The following VPS13A variants were observed in gnomAD, a reference collection of about 807,000 sequenced individuals.
The protein encoded by VPS13A is intermembrane lipid transfer protein VPS13A.
Under a neutral mutation model 390.9 loss-of-function variants are expected in VPS13A, and 264 were observed. The ratio of observed to expected loss-of-function variants is 0.68; its 90% CI spans 0.61 to 0.75. The LOEUF (loss-of-function observed/expected upper bound fraction) is 0.75. Ranked by LOEUF, VPS13A falls within the 30% of genes least tolerant of loss-of-function variation. The pLI is 0.00. For synonymous variants in VPS13A, 1,231 were observed against 1,227.1 expected (o/e 1.00, Z -0.07); for missense variants, 3,409 against 3,733.9 (o/e 0.91, Z 2.27).
chr9:77,403,105 A>C, intron 68 of VPS13A, 131 bp from the exon 69 acceptor site: 1 of 657,558 alleles, frequency 1.5e-6, no homozygotes. Flanking sequence ...TTTTACAAAT[A>C]ATTAAATGTT....
Position 77,308,378 on chromosome 9 carries a change from A to G in VPS13A, c.4114+280A>G, listed in dbSNP as rs531457510. Reference sequence around the variant, plus strand: ...GAAAGTTCCTAGTTCTGTTGTAACAAAATTCCTCAGTATATATTCATGTTT... The same window carrying G: ...GAAAGTTCCTAGTTCTGTTGTAACAGAATTCCTCAGTATATATTCATGTTT... On this transcript the variant is annotated intron_variant, in intron 35 of 71. Coordinates refer to ENST00000360280, the MANE Select transcript of VPS13A (RefSeq NM_033305.3). Among the ~76,000 whole-genome samples, 70 of 152,250 alleles carry G rather than the reference A, an allele frequency of 4.6e-4. 1 individual carries two copies. Among genetic ancestry groups the G allele is most frequent in the Admixed American group, 3.3e-3 (51 of 15,286 alleles).
chr9:77,364,821 G>A (rs1423101202), intron 59 of VPS13A, among the ~76,000 whole-genome samples: 4 of 152,142 alleles, frequency 2.6e-5, no homozygotes, highest in African/African-American at 9.7e-5. Context: ...CAGTTTAGCT[G>A]GGGTGCTGGT....
At position 77,323,479 on chromosome 9, in the gene VPS13A, A is replaced by G. The variant is rs186345477; in HGVS notation, c.5991+252A>G. On this transcript the variant is annotated intron_variant, in intron 45 of 71. Transcript: ENST00000360280. Reference sequence around the variant, plus strand: ...AAATCTTCTTACGGTATTTTTTATAAATAGTCATCAGTGTTTTGCTTTAGG... The same window carrying G: ...AAATCTTCTTACGGTATTTTTTATAGATAGTCATCAGTGTTTTGCTTTAGG... Among the ~76,000 whole-genome samples the G allele has an allele frequency of 7.2e-5, 11 of 152,190 alleles. No individual in the cohort carries two copies. The South Asian group carries it at 8.3e-4, about 11-fold the overall frequency.
At chr9:77,412,865 C>A (rs1347687608) in intron 71 of VPS13A, among the ~76,000 whole-genome samples, 15 of 152,160 alleles carry the variant, frequency 9.9e-5, no homozygotes, top group East Asian at 5.8e-4. Context: ...GTCTCAGCCC[C>A]AAATCTCCTT....
chr9:77,246,374 T>G (rs1309629416), intron 19 of VPS13A, among the ~76,000 whole-genome samples: 2 of 152,184 alleles, frequency 1.3e-5, no homozygotes, highest in Non-Finnish European at 2.9e-5. Context: ...ACATTAAAAT[T>G]GTTGACATAT....
chr9:77,353,638 C>T lies in VPS13A; in HGVS notation c.7649C>T (p.Thr2550Ile). The change falls in exon 54 of 72, where the codon ACA becomes ATA. Residue 2550 changes from threonine to isoleucine, a missense_variant. Physicochemically the swap from Thr to Ile is moderately conservative, Grantham distance 89. Around this residue, in one of 5 missense-constraint regions of VPS13A, gnomAD observed 221 missense variants for 300.7 expected, o/e 0.73. Transcript: ENST00000360280. ...CAAGAAGTAGCCTATATAGGCATTA[C>T]AAGGTTAGATGCATTAAATTTTGGA... The part of the protein sequence containing the change: ...TKQEVAYIGI[T>I]SSDVVWETKP... 1 of 1,611,864 alleles carries T rather than the reference C, an allele frequency of 6.2e-7. No homozygotes were observed. Among genetic ancestry groups the T allele is most frequent in the Non-Finnish European group, 8.5e-7 (1 of 1,178,356 alleles).
At chr9:77,309,545 G>A (rs1564716014) in intron 35 of VPS13A, among the ~76,000 whole-genome samples, 2 of 152,114 alleles carry the variant, frequency 1.3e-5, no homozygotes, top group African/African-American at 4.8e-5. Flanking sequence ...GTATCATAAA[G>A]ATGAATTTAT....
chr9:77,202,029 G>A (rs894396555), intron 3 of VPS13A, among the ~76,000 whole-genome samples: 1 of 152,138 alleles, frequency 6.6e-6, no homozygotes, highest in African/African-American at 2.4e-5. Flanking sequence ...AGTGTCTTTA[G>A]TTGGGACTTG....
intron 55 of VPS13A, 149 bp downstream of exon 55, chr9:77,357,016 G>A: frequency 2.1e-6 from 2 of 935,322 alleles, no homozygotes; most frequent in Admixed American, 2.3e-5. Context: ...TTAAAGAGGT[G>A]TTTATCTATA....
chr9:77,400,160 T>A (rs1398776103), intron 68 of VPS13A, among the ~76,000 whole-genome samples: 1 of 151,830 alleles, frequency 6.6e-6, no homozygotes, highest in Non-Finnish European at 1.5e-5. Flanking sequence ...AGGGTATGTT[T>A]AATTGATTTG....
At chr9:77,245,925 G>T (rs539700131) in intron 19 of VPS13A, among the ~76,000 whole-genome samples, 1 of 152,306 alleles carries the variant, frequency 6.6e-6, no homozygotes, top group African/African-American at 2.4e-5. Flanking sequence ...GGCAGAAAGA[G>T]TTGGGGAGCC....
chr9:77,362,289 T>G (rs1832188969), intron 59 of VPS13A, among the ~76,000 whole-genome samples: 1 of 152,194 alleles, frequency 6.6e-6, no homozygotes, highest in Non-Finnish European at 1.5e-5. Flanking sequence ...CTCTTATGAT[T>G]AGGTCTTTGA....
At position 77,302,766 on chromosome 9, in the gene VPS13A, A is replaced by T. The variant is rs1828456658; in HGVS notation, c.3813-149A>T. On this transcript the variant is annotated intron_variant, in intron 33 of 71. Transcript: ENST00000360280. Reference sequence around the variant, plus strand: ...TCACTCAACTCATTTTGACAGATAAAAAAAAAGTCTGATAGATATTTTCCC... The same window carrying T: ...TCACTCAACTCATTTTGACAGATAATAAAAAAGTCTGATAGATATTTTCCC... The T allele has an allele frequency of 6.0e-6, 5 of 834,012 alleles. 1 individual carries two copies. In the South Asian group the frequency reaches 9.0e-5, roughly 15 times the overall value. The allele number at this position is 834,012 out of a possible 1,614,324, so 51.7% of individuals were successfully genotyped here. A position where few individuals can be genotyped will look rare whatever the true frequency, so the allele number is the denominator to read the frequency against.
At chr9:77,350,062 A>G (rs1328826236) in intron 52 of VPS13A, among the ~76,000 whole-genome samples, 2 of 152,132 alleles carry the variant, frequency 1.3e-5, no homozygotes, top group South Asian at 2.1e-4. Flanking sequence ...TGGAAAATAC[A>G]TATTCTGTTT....
At chr9:77,290,247 T>C (rs1051598717) in intron 31 of VPS13A, among the ~76,000 whole-genome samples, 1 of 152,198 alleles carries the variant, frequency 6.6e-6, no homozygotes, top group Non-Finnish European at 1.5e-5. Flanking sequence ...AAGATGTGAT[T>C]TCATTGTTCT....
intron 1 of VPS13A, among the ~76,000 whole-genome samples, chr9:77,197,783 C>A (rs879504715): frequency 4.6e-5 from 7 of 152,282 alleles, no homozygotes; most frequent in African/African-American, 7.2e-5. Context: ...TAATTTTCTG[C>A]ATGAAACAAA....
chr9:77,314,772 C>A, intron 37 of VPS13A, 108 bp downstream of exon 37: 1 of 1,073,032 alleles, frequency 9.3e-7, no homozygotes, highest in South Asian at 1.3e-5. Flanking sequence ...ATCCTAGGTT[C>A]TTTAAAGCTT....
chr9:77,391,622 C>T (rs1587710419), intron 68 of VPS13A, among the ~76,000 whole-genome samples: 1 of 152,166 alleles, frequency 6.6e-6, no homozygotes, highest in East Asian at 1.9e-4. Context: ...TACGGAAGCA[C>T]TATAAAGAAA....
chr9:77,370,648 G>A, intron 65 of VPS13A, 70 bp downstream of exon 65: 1 of 1,596,370 alleles, frequency 6.3e-7, no homozygotes. Context: ...TTGCGAATAA[G>A]GAAATAGACA....
Sources: allele counts gnomAD v4.1 joint callset (sites outside exome capture counted in the v4.1 genomes callset), GRCh38; gene constraint gnomAD v4.1.1; regional missense constraint gnomAD v4.1.1; transcripts MANE v1.5; gene names NCBI Gene and HGNC (gene_info 2026-07-23, HGNC 2026-07-21).